The following AGPAT2 variants were observed in gnomAD, a reference collection of about 807,000 sequenced individuals.
AGPAT2 encodes the protein 1-acylglycerol-3-phosphate O-acyltransferase 2, also known as 1-acyl-sn-glycerol-3-phosphate acyltransferase beta.
A neutral mutation model predicts 26.1 loss-of-function variants in AGPAT2; 18 were observed. The ratio of observed to expected loss-of-function variants is 0.69; its 90% CI spans 0.48 to 1.02. AGPAT2 has a LOEUF of 1.02. Ranked by LOEUF, AGPAT2 falls within the 50% of genes least tolerant of loss-of-function variation. The pLI, the probability that AGPAT2 is intolerant of heterozygous loss-of-function variation, is 0.00. For synonymous variants in AGPAT2, 200 were observed against 174.2 expected (o/e 1.15, Z -1.16); for missense variants, 415 against 394.9 (o/e 1.05, Z -0.43).
At chr9:136,680,248 A>G (rs1192239818) in intron 1 of AGPAT2, among the ~76,000 whole-genome samples, 1 of 152,148 alleles carries the variant, frequency 6.6e-6, no homozygotes, top group African/African-American at 2.4e-5. Context: ...TATTTTTGAG[A>G]CAGGGTCTCA....
At position 136,674,737 on chromosome 9, in the gene AGPAT2, G is replaced by A; in HGVS notation, c.659C>T (p.Ser220Leu). The A allele has an allele frequency of 6.7e-7, 1 of 1,495,760 alleles. No individual in the cohort carries two copies. The highest frequency in any genetic ancestry group is 9.0e-7 in the Non-Finnish European group (1 of 1,116,896). The allele number at this position is 1,495,760 out of a possible 1,614,324, so 92.7% of individuals were successfully genotyped here. ...FYNTKKKFFT[S>L]GTVTVQVLEA... ...CGGGTGCACACATGTGGGGGTACCT[G>A]AAGTGAAGAACTTCTTCTTGGTGTT... The change falls in exon 5 of 6, where the codon TCA becomes TTA. Residue 220 changes from serine to leucine, a missense_variant and splice_region_variant. By Grantham distance (145) the Ser-to-Leu change is moderately radical. Coordinates refer to ENST00000371696, the MANE Select transcript of AGPAT2 (RefSeq NM_006412.4).
Position 136,673,735 on chromosome 9 carries a change from C to CA in AGPAT2, c.*16_*17insT. 3.2e-6 allele frequency: 5 copies of CA among 1,561,362 alleles called. No homozygotes were observed. The highest frequency in any genetic ancestry group is 4.3e-6 in the Non-Finnish European group (5 of 1,152,670). The stretch of plus-strand genomic sequence containing the variant: ...TTCCACCTGCCCTCCCCAGGTCATG[C>CA]CCTGCCGTGGTCTGGGCTACTGGGC... On this transcript the variant is annotated 3_prime_UTR_variant, in exon 6 of 6. Transcript: ENST00000371696.
chr9:136,681,455 C>T (rs189170482), intron 1 of AGPAT2, among the ~76,000 whole-genome samples: 10 of 152,328 alleles, frequency 6.6e-5, no homozygotes, highest in Non-Finnish European at 1.2e-4. Flanking sequence ...CGCGGTGTCC[C>T]GTACATAGTT....
At chr9:136,682,342 C>A (rs113845829) in intron 1 of AGPAT2, among the ~76,000 whole-genome samples, 1 of 152,228 alleles carries the variant, frequency 6.6e-6, no homozygotes, top group Non-Finnish European at 1.5e-5. Context: ...CCAGCCCAGT[C>A]CCTGTCCTGT....
chr9:136,677,634 G>A, intron 1 of AGPAT2, 78 bp from the exon 2 acceptor site: 5 of 1,578,518 alleles, frequency 3.2e-6, no homozygotes, highest in Non-Finnish European at 4.3e-6. Context: ...TGGGGGTGGG[G>A]TGTGGAGGAG....
intron 1 of AGPAT2, among the ~76,000 whole-genome samples, chr9:136,682,339 A>C (rs1414981904): frequency 1.3e-5 from 2 of 152,154 alleles, no homozygotes; most frequent in Non-Finnish European, 2.9e-5. Context: ...TGCCCAGCCC[A>C]GTCCCTGTCC....
intron 4 of AGPAT2, among the ~76,000 whole-genome samples, chr9:136,675,828 C>G (rs1437771161): frequency 6.6e-6 from 1 of 152,122 alleles, no homozygotes; most frequent in East Asian, 1.9e-4. Context: ...CGGGGCTCCC[C>G]AGGCCTCACG....
chr9:136,682,065 CA>C (rs1203997975), intron 1 of AGPAT2, among the ~76,000 whole-genome samples: 15 of 152,164 alleles, frequency 9.9e-5, no homozygotes. Context: ...CAAGGTTCAG[CA>C]AAGTTAAGTG....
rs1242899952 is a variant in AGPAT2, at chr9:136,687,381, G to A, written c.-24C>T. 17 of 1,436,514 alleles carry A rather than the reference G, an allele frequency of 1.2e-5. No homozygotes were observed. The highest frequency in any genetic ancestry group is 6.0e-5 in the Admixed American group (2 of 33,478). The allele number at this position is 1,436,514 out of a possible 1,614,324, so 89.0% of individuals were successfully genotyped here. A position where few individuals can be genotyped will look rare whatever the true frequency, so the allele number is the denominator to read the frequency against. ...ATGGCCCGGCCCGGCGCCCGACGGC[G>A]CCGCCAGCTCGCTCCCGCTCCCGCT... is the stretch of plus-strand genomic sequence containing the variant. On this transcript the variant is annotated 5_prime_UTR_variant, in exon 1 of 6. Transcript: ENST00000371696.
At chr9:136,685,524 TGGCCTGG>T (rs1196643607) in intron 1 of AGPAT2, among the ~76,000 whole-genome samples, 1 of 152,214 alleles carries the variant, frequency 6.6e-6, no homozygotes, top group Admixed American at 6.5e-5. Flanking sequence ...CCGTGGCCTG[TGGCCTGG>T]CTCAGTAGTG....
At chr9:136,680,901 A>G (rs1276615576) in intron 1 of AGPAT2, among the ~76,000 whole-genome samples, 3 of 149,322 alleles carry the variant, frequency 2.0e-5, no homozygotes, top group Non-Finnish European at 1.5e-5. Flanking sequence ...TCCTGACCTC[A>G]TGATCCGCCC....
At chr9:136,677,376 G>A in intron 2 of AGPAT2, 47 bp downstream of exon 2, 2 of 1,612,340 alleles carry the variant, frequency 1.2e-6, no homozygotes, top group Non-Finnish European at 1.7e-6. Context: ...CCCCAGCTCA[G>A]CCGGCCCCAC....
chr9:136,685,354 G>C (rs1846209079), intron 1 of AGPAT2, among the ~76,000 whole-genome samples: 1 of 152,234 alleles, frequency 6.6e-6, no homozygotes, highest in Non-Finnish European at 1.5e-5. Context: ...GCCCAGTGGG[G>C]CAGCAGGGCC....
chr9:136,678,042 C>T (rs567078018), intron 1 of AGPAT2, among the ~76,000 whole-genome samples: 4 of 152,298 alleles, frequency 2.6e-5, no homozygotes, highest in South Asian at 2.1e-4. Context: ...AAGAAAGTGT[C>T]GGCGCCAGTG....
At chr9:136,686,537 CTCTT>C (rs1846223213) in intron 1 of AGPAT2, among the ~76,000 whole-genome samples, 2 of 152,382 alleles carry the variant, frequency 1.3e-5, no homozygotes, top group Non-Finnish European at 2.9e-5. Context: ...CTAGTCCTAA[CTCTT>C]CCTTCCCTTC....
At position 136,673,831 on chromosome 9, in the gene AGPAT2, C is replaced by T. The variant is rs763816384; in HGVS notation, c.758G>A (p.Arg253Lys). ...CTTGGAGATGTGGAGGAAGGTGGTC[C>T]TCATGGCCCGGTGGCAGGTGTCCAC... is the stretch of plus-strand genomic sequence containing the variant. ...ALVDTCHRAMRTTFLHISKTP... is the reference protein window; with the variant it reads ...ALVDTCHRAMKTTFLHISKTP... The change falls in exon 6 of 6, where the codon AGG (arginine) becomes AAG (lysine). Residue 253 changes from arginine to lysine, a missense_variant. Physicochemically the swap from Arg to Lys is conservative, Grantham distance 26. Transcript: ENST00000371696. 5 of 1,606,520 alleles carry T rather than the reference C, an allele frequency of 3.1e-6. No individual in the cohort carries two copies. Among genetic ancestry groups the T allele is most frequent in the Non-Finnish European group, 4.2e-6 (5 of 1,178,174 alleles).
intron 1 of AGPAT2, among the ~76,000 whole-genome samples, chr9:136,682,345 T>TGTC (rs1003619191): frequency 6.6e-6 from 1 of 152,186 alleles, no homozygotes; most frequent in African/African-American, 2.4e-5. Flanking sequence ...GCCCAGTCCC[T>TGTC]GTCCTGTGCC....
Position 136,687,334 on chromosome 9 carries a change from G to T in AGPAT2, c.24C>A (p.Ala8=). MELWPCL[A]AALLLLLLLV... Reference sequence around the variant, plus strand: ...GCAGCAGCAGCAACAGCAGCGCCGCGGCCAGACACGGCCACAGCTCCATGG... The same window carrying T: ...GCAGCAGCAGCAACAGCAGCGCCGCTGCCAGACACGGCCACAGCTCCATGG... The change falls in exon 1 of 6, where the codon GCC becomes GCA. Residue 8 remains alanine, a synonymous_variant. Transcript: ENST00000371696. 1.3e-6 allele frequency: 2 copies of T among 1,552,934 alleles called. No individual in the cohort carries two copies. The highest frequency in any genetic ancestry group is 1.7e-6 in the Non-Finnish European group (2 of 1,157,564).
intron 5 of AGPAT2, 59 bp from the exon 6 acceptor site, chr9:136,673,986 G>T: frequency 7.0e-7 from 1 of 1,421,042 alleles, no homozygotes; most frequent in Non-Finnish European, 9.3e-7. Context: ...ACCTCAGCCT[G>T]CTGCCCTGGC....
Sources: gnomAD v4.1 joint callset for allele counts (sites outside exome capture counted in the v4.1 genomes callset) on GRCh38, gnomAD v4.1.1 for gene constraint, MANE v1.5 for transcripts, NCBI Gene and HGNC (gene_info 2026-07-23, HGNC 2026-07-21) for gene names.